The following DGKB variants were observed in gnomAD, a reference collection of about 807,000 sequenced individuals.
DGKB encodes 90 kDa diacylglycerol kinase.
Under a neutral mutation model 114.3 loss-of-function variants are expected in DGKB, and 67 were observed. The observed-to-expected ratio is 0.59, with a 90% confidence interval of 0.48 to 0.72. The LOEUF is 0.72. DGKB is among the 30% of genes least tolerant of loss of function. DGKB has a pLI of 0.00. For missense variants in DGKB, 907 were observed against 975.2 expected, an observed-to-expected ratio of 0.93 and a Z score of 0.93; for synonymous variants, 398 against 323.1, an observed-to-expected ratio of 1.23 and a Z score of -2.49.
chr7:14,321,281 AC>A (rs1807744851), intron 23 of DGKB, among the ~76,000 whole-genome samples: 1 of 152,142 alleles, frequency 6.6e-6, no homozygotes, highest in East Asian at 1.9e-4. Context: ...ACAGAGTGAT[AC>A]CCTGTCTCAG....
At chr7:14,368,216 G>A (rs1209357353) in intron 21 of DGKB, among the ~76,000 whole-genome samples, 1 of 151,310 alleles carries the variant, frequency 6.6e-6, no homozygotes, top group Non-Finnish European at 1.5e-5. Flanking sequence ...GACCTACACT[G>A]ACACATAATT....
At chr7:14,457,877 T>A (rs551462813) in intron 21 of DGKB, among the ~76,000 whole-genome samples, 3 of 152,330 alleles carry the variant, frequency 2.0e-5, no homozygotes, top group African/African-American at 4.8e-5. Flanking sequence ...TGAGAAGGAC[T>A]ACTGGTGTAA....
chr7:14,599,175 T>C (rs1322194367), intron 17 of DGKB, among the ~76,000 whole-genome samples: 1 of 152,192 alleles, frequency 6.6e-6, no homozygotes, highest in Non-Finnish European at 1.5e-5. Context: ...CACATCATCA[T>C]CATTCTTCAT....
chr7:14,478,811 A>AC (rs551282298), intron 20 of DGKB, among the ~76,000 whole-genome samples: 39 of 151,916 alleles, frequency 2.6e-4, no homozygotes, highest in Middle Eastern at 3.4e-3. Context: ...TAGAAAAAAA[A>AC]AACAACAACA....
chr7:14,695,488 C>CTT, intron 8 of DGKB, among the ~76,000 whole-genome samples: 4 of 99,536 alleles, frequency 4.0e-5, no homozygotes, highest in Non-Finnish European at 7.9e-5. Context: ...TTCTCTCTCT[C>CTT]TCTCTCTTTT....
chr7:14,219,670 T>C (rs562957063), intron 23 of DGKB, among the ~76,000 whole-genome samples: 20 of 151,952 alleles, frequency 1.3e-4, no homozygotes, highest in Non-Finnish European at 2.5e-4. Flanking sequence ...TTACATATTA[T>C]AGAAATAAGT....
chr7:14,927,647 T>A (rs1461135334), intron 1 of DGKB, among the ~76,000 whole-genome samples: 2 of 152,054 alleles, frequency 1.3e-5, no homozygotes, highest in Non-Finnish European at 2.9e-5. Flanking sequence ...GTTTTCTGCT[T>A]TTTATGAAGA....
At chr7:14,285,376 T>C (rs1183569388) in intron 23 of DGKB, among the ~76,000 whole-genome samples, 1 of 152,170 alleles carries the variant, frequency 6.6e-6, no homozygotes, top group Non-Finnish European at 1.5e-5. Flanking sequence ...GGTGGGAGGA[T>C]GTAGTAAGTA....
At chr7:14,196,960 A>G (rs1160800073) in intron 23 of DGKB, among the ~76,000 whole-genome samples, 1 of 152,146 alleles carries the variant, frequency 6.6e-6, no homozygotes, top group Admixed American at 6.6e-5. Flanking sequence ...ATACAGCAAC[A>G]TTCATGACTA....
intron 13 of DGKB, among the ~76,000 whole-genome samples, chr7:14,654,354 T>G (rs1361040931): frequency 6.6e-6 from 1 of 151,922 alleles, no homozygotes; most frequent in African/African-American, 2.4e-5. Context: ...ATCTCTACAA[T>G]TAAAACTGCA....
intron 13 of DGKB, among the ~76,000 whole-genome samples, chr7:14,638,114 T>G (rs986414689): frequency 2.0e-5 from 3 of 152,172 alleles, no homozygotes; most frequent in Non-Finnish European, 4.4e-5. Flanking sequence ...CTCAGAATTC[T>G]GAAAATGTTC....
At position 14,689,199 on chromosome 7, in the gene DGKB, A is replaced by ATTTTTTT. The variant is rs551618345; in HGVS notation, c.712-3844_712-3838dup. Among the ~76,000 whole-genome samples, 329 of 76,516 alleles carry ATTTTTTT rather than the reference A, an allele frequency of 4.3e-3. 35 individuals are homozygous for ATTTTTTT. Among genetic ancestry groups the ATTTTTTT allele is most frequent in the African/African-American group, 0.012 (284 of 24,242 alleles). 50.2% of individuals were successfully genotyped at this position (76,516 alleles called of 152,430 possible). ...TGACAATGTGACAGAAACTCCTCTT[A>ATTTTTTT]TTTTTTTTTTTTTTTTTTTTTTTTT... On this transcript the variant is annotated intron_variant, in intron 9 of 25. Coordinates refer to ENST00000402815, the MANE Select transcript of DGKB (RefSeq NM_001350709.2).
chr7:14,209,266 T>A (rs569942606), intron 23 of DGKB: 2 of 283,326 alleles, frequency 7.1e-6, no homozygotes, highest in African/African-American at 4.6e-5. Flanking sequence ...TTCAAATGAA[T>A]AATTAAAGTC....
intron 4 of DGKB, 92 bp from the exon 5 acceptor site, chr7:14,736,286 C>T (rs1293944861): frequency 2.6e-6 from 2 of 774,330 alleles, no homozygotes; most frequent in Non-Finnish European, 3.9e-6. Context: ...TAGAAATGAC[C>T]TCAAACCATT....
intron 6 of DGKB, among the ~76,000 whole-genome samples, chr7:14,716,344 A>G (rs1326854304): frequency 1.3e-5 from 2 of 152,218 alleles, no homozygotes; most frequent in Non-Finnish European, 2.9e-5. Flanking sequence ...GATGTGTGAT[A>G]AAGTTTGAGA....
intron 1 of DGKB, among the ~76,000 whole-genome samples, chr7:14,881,332 C>G (rs1854196632): frequency 6.6e-6 from 1 of 152,128 alleles, no homozygotes; most frequent in African/African-American, 2.4e-5. Flanking sequence ...GTCCTGTCAC[C>G]ATTTTTGAAG....
At position 14,336,853 on chromosome 7, in the gene DGKB, G is replaced by A. The variant is rs536825724; in HGVS notation, c.2122+1662C>T. 5.9e-5 allele frequency among the ~76,000 whole-genome samples: 9 copies of A among 152,254 alleles called. No homozygotes were observed. The South Asian group carries it at 8.3e-4, about 14-fold the overall frequency. ...TAAGAGATGTTCAACAACCCAGTGG[G>A]TGAATGTAGTTGGCAGCTGAGCCAT... On this transcript the variant is annotated intron_variant, in intron 23 of 25. Coordinates refer to ENST00000402815, the MANE Select transcript of DGKB (RefSeq NM_001350709.2).
intron 21 of DGKB, 34 bp from the exon 22 acceptor site, chr7:14,345,425 T>C: frequency 8.7e-7 from 1 of 1,146,576 alleles, no homozygotes; most frequent in Non-Finnish European, 1.3e-6. Flanking sequence ...CCTTAGGCAA[T>C]TATCAATAAC....
chr7:14,450,928 T>C (rs1255697961), intron 21 of DGKB, among the ~76,000 whole-genome samples: 1 of 151,956 alleles, frequency 6.6e-6, no homozygotes, highest in African/African-American at 2.4e-5. Context: ...ATGTTGAGAA[T>C]GAAGGTAATT....
Sources: gnomAD v4.1 joint callset for allele counts (sites outside exome capture counted in the v4.1 genomes callset) on GRCh38, gnomAD v4.1.1 for gene constraint, MANE v1.5 for transcripts, NCBI Gene and HGNC (gene_info 2026-07-23, HGNC 2026-07-21) for gene names.